Variants in RASA3 observed in about 807,000 individuals in gnomAD.
The protein encoded by RASA3 is RAS p21 protein activator 3.
RASA3 carries 73 observed loss-of-function variants against 110.0 expected under a neutral mutation model. The observed-to-expected ratio is 0.66, with a 90% CI of 0.55 to 0.81. The LOEUF is 0.81. RASA3 is among the 30% of genes least tolerant of loss of function. RASA3 has a pLI of 0.00. For missense variants in RASA3, 976 were observed against 1,113.2 expected, an observed-to-expected ratio of 0.88 and a Z score of 1.75; for synonymous variants, 500 against 451.4, an observed-to-expected ratio of 1.11 and a Z score of -1.37.
intron 1 of RASA3, among the ~76,000 whole-genome samples, chr13:114,076,498 ACGCACACACGCAG>A (rs933206031): frequency 1.8e-4 from 27 of 151,990 alleles, no homozygotes; most frequent in Middle Eastern, 3.4e-3. Context: ...CACGCAGCAC[ACGCACACACGCAG>A]CGCACACACG....
chr13:114,010,529 G>A (rs1314100795), intron 16 of RASA3, among the ~76,000 whole-genome samples: 1 of 151,236 alleles, frequency 6.6e-6, no homozygotes, highest in Non-Finnish European at 1.5e-5. Context: ...AGTCTGAAGG[G>A]ACGAGGATGG....
At chr13:114,029,760 C>T in intron 5 of RASA3, 51 bp downstream of exon 5, 1 of 1,519,736 alleles carries the variant, frequency 6.6e-7, no homozygotes, top group Non-Finnish European at 8.9e-7. Context: ...TCCTCGGGAG[C>T]CAGACATGCC....
intron 6 of RASA3, among the ~76,000 whole-genome samples, 182 bp downstream of exon 6, chr13:114,027,665 G>C (rs3751342): frequency 0.1 from 15,240 of 152,192 alleles, 1,671 homozygotes; most frequent in African/African-American, 0.27. Context: ...GAGCATGAAG[G>C]CTTCATTTTC....
At chr13:114,055,471 G>A (rs2079228288) in intron 2 of RASA3, among the ~76,000 whole-genome samples, 1 of 152,242 alleles carries the variant, frequency 6.6e-6, no homozygotes, top group African/African-American at 2.4e-5. Flanking sequence ...CCCACTGGCA[G>A]GAAAAACCAC....
chr13:114,023,078 C>A (rs367980863), intron 8 of RASA3, among the ~76,000 whole-genome samples: 1 of 152,218 alleles, frequency 6.6e-6, no homozygotes, highest in Non-Finnish European at 1.5e-5. Context: ...TCCCAGCAGC[C>A]GTAGGGCCTG....
At chr13:114,123,186 C>T (rs1301718501) in intron 1 of RASA3, among the ~76,000 whole-genome samples, 1 of 152,172 alleles carries the variant, frequency 6.6e-6, no homozygotes, top group Non-Finnish European at 1.5e-5. Context: ...CCGAGGTGGC[C>T]GCCCCAGCAG....
chr13:114,130,748 C>G (rs2080506813), intron 1 of RASA3, among the ~76,000 whole-genome samples: 1 of 152,208 alleles, frequency 6.6e-6, no homozygotes, highest in Non-Finnish European at 1.5e-5. Context: ...GGGCCCCCCA[C>G]CCCCGAGCCG....
intron 2 of RASA3, among the ~76,000 whole-genome samples, chr13:114,068,340 G>C (rs554264452): frequency 6.6e-6 from 1 of 152,258 alleles, no homozygotes; most frequent in Non-Finnish European, 1.5e-5. Context: ...CTGTCTGCGT[G>C]GATGAGGGTT....
chr13:114,018,520 T>C (rs1594331701), intron 10 of RASA3, among the ~76,000 whole-genome samples: 1 of 151,946 alleles, frequency 6.6e-6, no homozygotes, highest in African/African-American at 2.4e-5. Flanking sequence ...GATGATGGGG[T>C]CCCCCTCGAA....
At chr13:114,076,961 G>A (rs375582616) in intron 1 of RASA3, among the ~76,000 whole-genome samples, 223 of 152,242 alleles carry the variant, frequency 1.5e-3, no homozygotes, top group South Asian at 4.4e-3. Context: ...GTCTTTGGGA[G>A]TTTTTTGTTT....
intron 2 of RASA3, among the ~76,000 whole-genome samples, chr13:114,063,710 T>C (rs1011477023): frequency 6.6e-6 from 1 of 152,248 alleles, no homozygotes; most frequent in Non-Finnish European, 1.5e-5. Context: ...ATCTGTGCAG[T>C]GGCTGATTGT....
intron 21 of RASA3, 66 bp downstream of exon 21, chr13:113,996,465 C>T (rs922746973): frequency 1.5e-5 from 22 of 1,480,668 alleles, no homozygotes; most frequent in South Asian, 1.1e-4. Context: ...CTGGTCCCTC[C>T]CTACTCAGCC....
chr13:114,034,349 G>A (rs1330223299), intron 4 of RASA3, among the ~76,000 whole-genome samples: 2 of 152,258 alleles, frequency 1.3e-5, no homozygotes, highest in African/African-American at 4.8e-5. Flanking sequence ...ATTCACATTC[G>A]GGAGCTTCAG....
intron 4 of RASA3, 58 bp downstream of exon 4, chr13:114,040,942 C>A: frequency 6.5e-7 from 1 of 1,543,786 alleles, no homozygotes. Context: ...CCGGGCCCGT[C>A]TCGAAGCCCC....
At chr13:113,992,744 C>T (rs952205136) in intron 21 of RASA3, among the ~76,000 whole-genome samples, 156 bp from the exon 22 acceptor site, 6 of 152,176 alleles carry the variant, frequency 3.9e-5, no homozygotes, top group African/African-American at 1.4e-4. Flanking sequence ...TGTGCACAGC[C>T]GGTGTGTTGG....
intron 15 of RASA3, among the ~76,000 whole-genome samples, chr13:114,012,373 C>T (rs1256506137): frequency 6.6e-6 from 1 of 151,008 alleles, no homozygotes; most frequent in African/African-American, 2.4e-5. Flanking sequence ...ATTCCACACA[C>T]CTTCCACACT....
chr13:114,017,451 C>A, intron 11 of RASA3, 100 bp from the exon 12 acceptor site: 4 of 915,356 alleles, frequency 4.4e-6, no homozygotes, highest in South Asian at 1.3e-5. Context: ...GCTGTGAGGT[C>A]AGTGCACGCC....
At chr13:113,998,218 C>T (rs899384603) in intron 20 of RASA3, among the ~76,000 whole-genome samples, 6 of 152,220 alleles carry the variant, frequency 3.9e-5, no homozygotes, top group Non-Finnish European at 5.9e-5. Context: ...CCATCCCCCT[C>T]AGTCAGCAGG....
intron 3 of RASA3, among the ~76,000 whole-genome samples, chr13:114,043,391 C>G (rs1205430128): frequency 6.6e-6 from 1 of 152,150 alleles, no homozygotes; most frequent in Admixed American, 6.5e-5. Flanking sequence ...GGCTGCACCT[C>G]ACACCATCCA....
Sources: allele counts gnomAD v4.1 joint callset (sites outside exome capture counted in the v4.1 genomes callset), GRCh38; gene constraint gnomAD v4.1.1; transcripts MANE v1.5; gene names NCBI Gene and HGNC (gene_info 2026-07-23, HGNC 2026-07-21).